The following GRM8 variants were observed in gnomAD, a reference collection of about 807,000 sequenced individuals.
GRM8 encodes metabotropic glutamate receptor 8.
In GRM8, 47 loss-of-function variants were observed where a neutral mutation model predicts 87.2. That is an observed-to-expected ratio of 0.54 (90% CI 0.43 to 0.69). The LOEUF is 0.69. Ranked by LOEUF, GRM8 falls within the 30% of genes least tolerant of loss-of-function variation. GRM8 has a pLI of 0.00. For synonymous variants in GRM8, 396 were observed against 404.5 expected (o/e 0.98, Z 0.25); for missense variants, 1,019 against 1,139.2 (o/e 0.89, Z 1.52).
At chr7:126,984,609 A>G (rs1160855462) in intron 3 of GRM8, among the ~76,000 whole-genome samples, 2 of 152,316 alleles carry the variant, frequency 1.3e-5, no homozygotes, top group South Asian at 2.1e-4. Flanking sequence ...CAGACAGCCT[A>G]TTGTGGGACC....
At chr7:126,519,219 A>T (rs1812614135) in intron 9 of GRM8, among the ~76,000 whole-genome samples, 1 of 152,086 alleles carries the variant, frequency 6.6e-6, no homozygotes, top group Non-Finnish European at 1.5e-5. Flanking sequence ...TGCATAAATA[A>T]CTGAAGAACA....
At chr7:126,737,262 T>A (rs1046707772) in intron 7 of GRM8, among the ~76,000 whole-genome samples, 1 of 152,002 alleles carries the variant, frequency 6.6e-6, no homozygotes, top group Non-Finnish European at 1.5e-5. Flanking sequence ...CCACCCAAGA[T>A]GGATAAGCTG....
At chr7:126,459,667 C>A (rs1803669599) in intron 9 of GRM8, among the ~76,000 whole-genome samples, 1 of 151,416 alleles carries the variant, frequency 6.6e-6, no homozygotes, top group African/African-American at 2.4e-5. Flanking sequence ...GCTGAAAAAA[C>A]TAATTACGGT....
intron 3 of GRM8, among the ~76,000 whole-genome samples, chr7:127,059,149 T>C (rs375603651): frequency 8.6e-5 from 13 of 151,944 alleles, no homozygotes; most frequent in Non-Finnish European, 1.9e-4. Flanking sequence ...GAAGATCCTA[T>C]AGGGGAGAGA....
intron 6 of GRM8, among the ~76,000 whole-genome samples, chr7:126,835,399 C>A (rs1283300946): frequency 2.0e-5 from 3 of 152,100 alleles, no homozygotes; most frequent in African/African-American, 7.2e-5. Flanking sequence ...ACTGAAATTG[C>A]CTGTGTCAAT....
intron 2 of GRM8, among the ~76,000 whole-genome samples, chr7:127,239,880 T>C (rs964460690): frequency 2.6e-5 from 4 of 152,212 alleles, no homozygotes; most frequent in Non-Finnish European, 4.4e-5. Context: ...TGACGGACTT[T>C]TGAATTACAG....
At chr7:126,517,135 C>A (rs1213315191) in intron 9 of GRM8, among the ~76,000 whole-genome samples, 1 of 151,944 alleles carries the variant, frequency 6.6e-6, no homozygotes, top group Non-Finnish European at 1.5e-5. Context: ...CTGTTTAGGG[C>A]CAGTTTTACA....
At chr7:126,661,154 C>CT (rs1805117622) in intron 7 of GRM8, among the ~76,000 whole-genome samples, 1 of 152,162 alleles carries the variant, frequency 6.6e-6, no homozygotes, top group African/African-American at 2.4e-5. Context: ...TAACATTTTA[C>CT]TAAAAGAGTG....
chr7:126,520,486 C>T (rs1315457476), intron 9 of GRM8, among the ~76,000 whole-genome samples: 1 of 151,986 alleles, frequency 6.6e-6, no homozygotes, highest in South Asian at 2.1e-4. Context: ...GAGGAAAGCA[C>T]GAATGCAGCT....
At chr7:127,137,716 TA>T (rs553658645) in intron 2 of GRM8, among the ~76,000 whole-genome samples, 14 of 151,392 alleles carry the variant, frequency 9.2e-5, no homozygotes, top group South Asian at 4.2e-4. Context: ...GCTTTGCTAT[TA>T]AAAAAAAATA....
At chr7:126,537,795 C>A (rs1430371929) in intron 8 of GRM8, among the ~76,000 whole-genome samples, 17 of 150,224 alleles carry the variant, frequency 1.1e-4, no homozygotes, top group South Asian at 4.2e-4. Flanking sequence ...AACAAACAAA[C>A]AAACAAAAAA....
intron 3 of GRM8, among the ~76,000 whole-genome samples, chr7:127,105,860 T>C (rs78983693): frequency 2.0e-3 from 308 of 152,276 alleles, no homozygotes; most frequent in African/African-American, 6.9e-3. Flanking sequence ...ATCGTACACA[T>C]ACAAGATGGT....
intron 7 of GRM8, among the ~76,000 whole-genome samples, chr7:126,703,616 G>C (rs7804631): frequency 0.2 from 30,446 of 152,144 alleles, 3,256 homozygotes; most frequent in Middle Eastern, 0.23. Context: ...CTGAAGTGCA[G>C]TGGTATGATC....
intron 7 of GRM8, among the ~76,000 whole-genome samples, chr7:126,734,574 T>C (rs1405819922): frequency 6.6e-6 from 1 of 151,780 alleles, no homozygotes; most frequent in Non-Finnish European, 1.5e-5. Flanking sequence ...TTTTGAGAAA[T>C]AACTTTGGAT....
intron 2 of GRM8, chr7:127,229,067 A>G (rs1475266276): frequency 2.0e-5 from 3 of 152,250 alleles, no homozygotes; most frequent in Non-Finnish European, 4.4e-5. Context: ...ATCACATACT[A>G]TGCATACCAC....
intron 7 of GRM8, among the ~76,000 whole-genome samples, chr7:126,664,900 A>ACTT (rs1805598089): frequency 6.6e-6 from 1 of 152,200 alleles, no homozygotes; most frequent in Non-Finnish European, 1.5e-5. Flanking sequence ...TCTATAAGGA[A>ACTT]CTTAAACAAT....
chr7:127,215,696 A>G (rs192859624), intron 2 of GRM8, among the ~76,000 whole-genome samples: 30 of 152,340 alleles, frequency 2.0e-4, no homozygotes, highest in African/African-American at 7.0e-4. Flanking sequence ...TTTATATTAC[A>G]TTCAGCATTT....
Position 126,685,492 on chromosome 7 carries a change from G to T in GRM8, c.1358-75994C>A, listed in dbSNP as rs1808071795. The stretch of plus-strand genomic sequence containing the variant: ...TCTGTGTTCCTGGGGGCCCAGGAAG[G>T]CCCCTCTGACCCCTGCAGGCTTGGA... On this transcript the variant is annotated intron_variant, in intron 7 of 10. Transcript: ENST00000339582. This position sits in a 1 kb window ranked among gnomAD's most constrained non-coding sequence, Gnocchi z 4.2. Among the ~76,000 whole-genome samples the T allele has an allele frequency of 6.6e-6, 1 of 152,092 alleles. No homozygotes were observed. Among genetic ancestry groups the T allele is most frequent in the Non-Finnish European group, 1.5e-5 (1 of 67,998 alleles).
chr7:126,817,382 A>G (rs1413835590), intron 6 of GRM8, among the ~76,000 whole-genome samples: 1 of 152,126 alleles, frequency 6.6e-6, no homozygotes, highest in African/African-American at 2.4e-5. Flanking sequence ...ACAGTGAAGG[A>G]ATTACAATAA....
Sources: allele counts gnomAD v4.1 joint callset (sites outside exome capture counted in the v4.1 genomes callset), GRCh38; gene constraint gnomAD v4.1.1; non-coding constraint Gnocchi (gnomAD v3.1); transcripts MANE v1.5; gene names NCBI Gene and HGNC (gene_info 2026-07-23, HGNC 2026-07-21).